The following IFFO2 variants were observed in gnomAD, a reference collection of about 807,000 sequenced individuals.
IFFO2 encodes the protein intermediate filament family orphan 2.
Under a neutral mutation model 53.5 loss-of-function variants are expected in IFFO2, and 19 were observed. The ratio of observed to expected loss-of-function variants is 0.36; its 90% CI spans 0.25 to 0.52. The LOEUF (loss-of-function observed/expected upper bound fraction) is 0.52. IFFO2 is among the 20% of genes least tolerant of loss of function. The pLI is 0.94. For missense variants in IFFO2, 570 were observed against 727.4 expected (o/e 0.78, Z 2.49); for synonymous variants, 303 against 313.6 (o/e 0.97, Z 0.36).
At position 18,919,668 on chromosome 1, in the gene IFFO2, C is replaced by T. The variant is rs1209267818; in HGVS notation, c.822+10G>A. 20 of 1,544,872 alleles carry T rather than the reference C, an allele frequency of 1.3e-5. No homozygotes were observed. Among genetic ancestry groups the T allele is most frequent in the East Asian group, 2.4e-5 (1 of 40,878 alleles). ...GGTCATGACACCCAGGGGCGGCGGG[C>T]GGCACTTACGTCACTCATAAGCCCC... On this transcript the variant is annotated intron_variant, in intron 3 of 8. Transcript: ENST00000455833. This position sits in a 1 kb window ranked among gnomAD's most constrained non-coding sequence, Gnocchi z 4.9.
chr1:18,925,510 A>G (rs1415664470), intron 1 of IFFO2, among the ~76,000 whole-genome samples: 11 of 151,612 alleles, frequency 7.3e-5, no homozygotes, highest in African/African-American at 2.7e-4. Context: ...CCCCACCGCC[A>G]CCGGGGGCTG....
At chr1:18,951,665 G>A (rs1936661639) in intron 1 of IFFO2, among the ~76,000 whole-genome samples, 1 of 152,208 alleles carries the variant, frequency 6.6e-6, no homozygotes, top group Non-Finnish European at 1.5e-5. Context: ...CTGCCAGGCT[G>A]GAGGGACCTT....
chr1:18,924,015 C>A (rs879351309), intron 1 of IFFO2, among the ~76,000 whole-genome samples: 3 of 152,184 alleles, frequency 2.0e-5, no homozygotes, highest in Admixed American at 6.5e-5. Flanking sequence ...CAAAGCCAGA[C>A]GGGGGAGGCA....
At position 18,919,592 on chromosome 1, in the gene IFFO2, G is replaced by T; in HGVS notation, c.822+86C>A. 2 of 888,298 alleles carry T rather than the reference G, an allele frequency of 2.3e-6. No individual in the cohort carries two copies. Among genetic ancestry groups the T allele is most frequent in the Non-Finnish European group, 3.7e-6 (2 of 545,648 alleles). 55.0% of individuals were successfully genotyped at this position (888,298 alleles called of 1,614,324 possible). A position where few individuals can be genotyped will look rare whatever the true frequency, so the allele number is the denominator to read the frequency against. ...AGCCAGGATTCTAACTAGAAGCCGAGCCCCGGAGCCTCGGAGGGAATGAAG... is the reference window on the plus strand; with the variant it reads ...AGCCAGGATTCTAACTAGAAGCCGATCCCCGGAGCCTCGGAGGGAATGAAG... On this transcript the variant is annotated intron_variant, in intron 3 of 8. Coordinates refer to ENST00000455833, the MANE Select transcript of IFFO2 (RefSeq NM_001136265.2). This position sits in a 1 kb window ranked among gnomAD's most constrained non-coding sequence, Gnocchi z 4.9.
Position 18,918,252 on chromosome 1 carries a change from G to A in IFFO2, c.963+110C>T. 1 of 1,031,066 alleles carries A rather than the reference G, an allele frequency of 9.7e-7. No homozygotes were observed. Among genetic ancestry groups the A allele is most frequent in the Non-Finnish European group, 1.4e-6 (1 of 698,218 alleles). The allele number at this position is 1,031,066 out of a possible 1,614,324, so 63.9% of individuals were successfully genotyped here. ...GGTAGTGCTACCTCTCGGGGAAGGG[G>A]AGGGAGTGAGTGGGATGTGGAGGCA... On this transcript the variant is annotated intron_variant, in intron 4 of 8. Transcript: ENST00000455833. The surrounding 1 kb of genome is among the most constrained non-coding windows in gnomAD (Gnocchi z 5.2).
intron 1 of IFFO2, among the ~76,000 whole-genome samples, chr1:18,922,997 C>T (rs543009656): frequency 6.6e-6 from 1 of 152,118 alleles, no homozygotes; most frequent in Non-Finnish European, 1.5e-5. Flanking sequence ...GGGGTAAAGG[C>T]TGGAGCACAG....
chr1:18,925,286 C>G (rs904117909), intron 1 of IFFO2, among the ~76,000 whole-genome samples: 1 of 152,196 alleles, frequency 6.6e-6, no homozygotes, highest in Non-Finnish European at 1.5e-5. Context: ...AGCCATTCTC[C>G]CAGGCTTGTC....
At position 18,911,550 on chromosome 1, in the gene IFFO2, T is replaced by TATTTATTTATTC. The variant is rs1325811633; in HGVS notation, c.1225-75_1225-74insGAATAAATAAAT. 3 of 707,572 alleles carry TATTTATTTATTC rather than the reference T, an allele frequency of 4.2e-6. No homozygotes were observed. In the East Asian group the frequency reaches 1.4e-4, roughly 33 times the overall value. The allele number at this position is 707,572 out of a possible 1,614,324, so 43.8% of individuals were successfully genotyped here. ...TTATTTATTTATTTATTTATTTATT[T>TATTTATTTATTC]ATTCTTGAGACGGAGTCTCGCTCTG... On this transcript the variant is annotated intron_variant, in intron 6 of 8. Transcript: ENST00000455833.
rs1936209803 is a variant in IFFO2 at position 18,921,090 on chromosome 1, G to A, written c.697C>T (p.Leu233Phe). ...TGCAGCGTGTCCACCATGGTCTGAA[G>A]GTTCATGCGCTTGGCGAGCTCCTCC... ...WEEELAKRMN[L>F]QTMVDTLQEA... Residue 233 changes from leucine (L) to phenylalanine (F), a missense_variant, in exon 2 of 9, where the codon CTT (leucine) becomes TTT (phenylalanine). Physicochemically the swap from Leu to Phe is conservative, Grantham distance 22. Coordinates refer to ENST00000455833, the MANE Select transcript of IFFO2 (RefSeq NM_001136265.2). 1 of 1,551,910 alleles carries A rather than the reference G, an allele frequency of 6.4e-7. No individual in the cohort carries two copies. The highest frequency in any genetic ancestry group is 1.2e-5 in the South Asian group (1 of 84,066).
At chr1:18,949,417 AAGTC>A (rs1936630900) in intron 1 of IFFO2, among the ~76,000 whole-genome samples, 2 of 152,226 alleles carry the variant, frequency 1.3e-5, no homozygotes, top group African/African-American at 2.4e-5. Context: ...TGACAGCAGA[AAGTC>A]AGGAAAAAGC....
intron 1 of IFFO2, among the ~76,000 whole-genome samples, chr1:18,950,562 G>A (rs1293526740): frequency 6.6e-6 from 1 of 152,228 alleles, no homozygotes; most frequent in African/African-American, 2.4e-5. Context: ...GAGCCAGGAT[G>A]CAAAACCCTT....
At chr1:18,952,741 T>G (rs1266124188) in intron 1 of IFFO2, among the ~76,000 whole-genome samples, 1 of 152,220 alleles carries the variant, frequency 6.6e-6, no homozygotes, top group Admixed American at 6.5e-5. Context: ...AGGATCTTTT[T>G]GGGGGCTGAT....
intron 1 of IFFO2, among the ~76,000 whole-genome samples, chr1:18,943,076 T>C (rs755571699): frequency 6.6e-6 from 1 of 152,174 alleles, no homozygotes; most frequent in African/African-American, 2.4e-5. Flanking sequence ...CAATGTAATA[T>C]TAAGACTCAG....
At chr1:18,911,929 T>C in intron 6 of IFFO2, 34 bp downstream of exon 6, 1 of 1,550,708 alleles carries the variant, frequency 6.4e-7, no homozygotes, top group Non-Finnish European at 8.7e-7. Flanking sequence ...AGACCCCTAG[T>C]CCTGGCCTTT....
intron 8 of IFFO2, among the ~76,000 whole-genome samples, chr1:18,909,337 T>TC (rs1477584967): frequency 1.3e-5 from 2 of 152,162 alleles, no homozygotes; most frequent in Non-Finnish European, 2.9e-5. Context: ...AGCGTGGCTG[T>TC]CCCCCGATAA....
Position 18,908,012 on chromosome 1 carries a change from C to T in IFFO2, c.*549G>A, listed in dbSNP as rs1053898792. The stretch of plus-strand genomic sequence containing the variant: ...TGAGAAAATTGGGGTGGTCCCTACC[C>T]AGGCCTAGAAAGCTCACAGAGGCAA... On this transcript the variant is annotated 3_prime_UTR_variant, in exon 9 of 9. Coordinates refer to ENST00000455833, the MANE Select transcript of IFFO2 (RefSeq NM_001136265.2). The T allele has an allele frequency of 9.7e-5, 15 of 155,128 alleles. No homozygotes were observed. Among genetic ancestry groups the T allele is most frequent in the Non-Finnish European group, 1.9e-4 (13 of 69,596 alleles). 9.6% of individuals were successfully genotyped at this position (155,128 alleles called of 1,614,324 possible).
chr1:18,913,786 A>G (rs2100644195), intron 5 of IFFO2, among the ~76,000 whole-genome samples: 1 of 152,024 alleles, frequency 6.6e-6, no homozygotes, highest in South Asian at 2.1e-4. Flanking sequence ...GGGGGTGATC[A>G]AAGTGATCAG....
At chr1:18,946,775 G>T (rs1936594245) in intron 1 of IFFO2, among the ~76,000 whole-genome samples, 1 of 152,120 alleles carries the variant, frequency 6.6e-6, no homozygotes, top group Admixed American at 6.5e-5. Context: ...CTGTGGCTCA[G>T]TTTTAGCATC....
intron 7 of IFFO2, among the ~76,000 whole-genome samples, chr1:18,910,772 A>G (rs1276215861): frequency 6.6e-6 from 1 of 152,220 alleles, no homozygotes; most frequent in Non-Finnish European, 1.5e-5. Flanking sequence ...GGGTTCCTTT[A>G]TCCAGACCTG....
Sources: gnomAD v4.1 joint callset for allele counts (sites outside exome capture counted in the v4.1 genomes callset) on GRCh38, gnomAD v4.1.1 for gene constraint, Gnocchi (gnomAD v3.1) non-coding constraint, MANE v1.5 for transcripts, NCBI Gene and HGNC (gene_info 2026-07-23, HGNC 2026-07-21) for gene names.